The following FBXL7 variants were observed in gnomAD, a reference collection of about 807,000 sequenced individuals.
FBXL7 encodes F-box and leucine rich repeat protein 7.
Under a neutral mutation model 38.3 loss-of-function variants are expected in FBXL7, and 12 were observed. That is an observed-to-expected ratio of 0.31 (90% confidence interval 0.20 to 0.51). The LOEUF is 0.51. Among genes scored for constraint, FBXL7 ranks in the 20% least tolerant of loss-of-function variants. The pLI is 0.98. For missense variants in FBXL7, 567 were observed against 676.4 expected (o/e 0.84, Z 1.79); for synonymous variants, 297 against 300.9 (o/e 0.99, Z 0.13).
chr5:15,533,715 G>A (rs1047068483), intron 1 of FBXL7, among the ~76,000 whole-genome samples: 41 of 152,256 alleles, frequency 2.7e-4, no homozygotes, highest in African/African-American at 9.9e-4. Context: ...GGGGTCAAGA[G>A]TTTCATAGTG....
At chr5:15,898,689 T>C (rs1249366183) in intron 2 of FBXL7, among the ~76,000 whole-genome samples, 1 of 152,220 alleles carries the variant, frequency 6.6e-6, no homozygotes, top group Non-Finnish European at 1.5e-5. Flanking sequence ...ATAGTTCCCA[T>C]AGACACGAGG....
At chr5:15,694,997 G>A (rs565589312) in intron 2 of FBXL7, among the ~76,000 whole-genome samples, 1 of 152,260 alleles carries the variant, frequency 6.6e-6, no homozygotes, top group South Asian at 2.1e-4. Flanking sequence ...TTTAACAAGA[G>A]CATTTAAGCA....
At chr5:15,723,420 C>A (rs896150048) in intron 2 of FBXL7, among the ~76,000 whole-genome samples, 1 of 152,142 alleles carries the variant, frequency 6.6e-6, no homozygotes, top group Non-Finnish European at 1.5e-5. Context: ...ATGTTTTCCA[C>A]GACTATATTA....
In FBXL7 at chr5:15,625,331, G is replaced by A. The variant is rs190282363; in HGVS notation, c.127+9259G>A. Among the ~76,000 whole-genome samples, 330 of 152,154 alleles carry A rather than the reference G, an allele frequency of 2.2e-3. 2 individuals are homozygous for A. Among genetic ancestry groups the A allele is most frequent in the Non-Finnish European group, 3.7e-3 (254 of 68,008 alleles). The stretch of plus-strand genomic sequence containing the variant: ...ATATGTAATAAAAAATTACTGAATA[G>A]TTATTTTACTGATTTTCCCTTTAAA... On this transcript the variant is annotated intron_variant, in intron 2 of 3. Transcript: ENST00000504595.
At chr5:15,522,334 G>A (rs1009353795) in intron 1 of FBXL7, among the ~76,000 whole-genome samples, 3 of 152,118 alleles carry the variant, frequency 2.0e-5, no homozygotes, top group Non-Finnish European at 2.9e-5. Context: ...TTTGATGGGT[G>A]TTTCTGGGCA....
At chr5:15,647,969 C>A (rs1333209724) in intron 2 of FBXL7, among the ~76,000 whole-genome samples, 1 of 152,168 alleles carries the variant, frequency 6.6e-6, no homozygotes, top group East Asian at 1.9e-4. Context: ...AGAGTAGGTG[C>A]CAGTAGGCAC....
intron 2 of FBXL7, among the ~76,000 whole-genome samples, chr5:15,754,038 T>G (rs1736225785): frequency 6.6e-6 from 1 of 152,234 alleles, no homozygotes; most frequent in Non-Finnish European, 1.5e-5. Flanking sequence ...CAAATTTGAA[T>G]GTGCAACAGA....
intron 2 of FBXL7, among the ~76,000 whole-genome samples, chr5:15,697,095 A>G (rs748738668): frequency 4.6e-5 from 7 of 152,144 alleles, no homozygotes; most frequent in Non-Finnish European, 8.8e-5. Flanking sequence ...CACCAAATAG[A>G]TTATGGGAAG....
chr5:15,872,140 C>T (rs1739994116), intron 2 of FBXL7, among the ~76,000 whole-genome samples: 1 of 152,126 alleles, frequency 6.6e-6, no homozygotes, highest in Non-Finnish European at 1.5e-5. Flanking sequence ...ATTCAACATT[C>T]TTAAAAGAAT....
At chr5:15,582,185 C>T (rs1266543579) in intron 1 of FBXL7, among the ~76,000 whole-genome samples, 1 of 152,134 alleles carries the variant, frequency 6.6e-6, no homozygotes, top group Non-Finnish European at 1.5e-5. Context: ...GTGATCCACC[C>T]ACCTCAGCCT....
chr5:15,716,123 C>T (rs1262906631), intron 2 of FBXL7, among the ~76,000 whole-genome samples: 1 of 152,198 alleles, frequency 6.6e-6, no homozygotes, highest in Admixed American at 6.5e-5. Flanking sequence ...GAGGATTAAA[C>T]TGGACTATAA....
At chr5:15,891,226 A>G (rs1023528057) in intron 2 of FBXL7, among the ~76,000 whole-genome samples, 2 of 152,298 alleles carry the variant, frequency 1.3e-5, no homozygotes, top group Non-Finnish European at 2.9e-5. Flanking sequence ...AATATCTTCA[A>G]GTTCTTGCTC....
intron 2 of FBXL7, among the ~76,000 whole-genome samples, chr5:15,917,082 G>T (rs1389347851): frequency 6.6e-6 from 1 of 152,120 alleles, no homozygotes; most frequent in African/African-American, 2.4e-5. Flanking sequence ...TCTTGCCTCA[G>T]ATGATACAAG....
At chr5:15,648,622 G>T (rs543160964) in intron 2 of FBXL7, among the ~76,000 whole-genome samples, 1 of 152,340 alleles carries the variant, frequency 6.6e-6, no homozygotes, top group Non-Finnish European at 1.5e-5. Flanking sequence ...AATTGAAGGG[G>T]CAGCATTGCT....
intron 1 of FBXL7, among the ~76,000 whole-genome samples, chr5:15,580,228 C>G (rs1483061528): frequency 6.6e-6 from 1 of 152,154 alleles, no homozygotes; most frequent in Non-Finnish European, 1.5e-5. Context: ...AGGAGGAGGG[C>G]TCTCACTAAG....
intron 2 of FBXL7, among the ~76,000 whole-genome samples, chr5:15,890,610 C>G (rs1740863474): frequency 6.6e-6 from 1 of 152,098 alleles, no homozygotes; most frequent in African/African-American, 2.4e-5. Flanking sequence ...GGTTGCACGC[C>G]CTTTATGAGA....
At chr5:15,754,875 C>G (rs1183586508) in intron 2 of FBXL7, among the ~76,000 whole-genome samples, 1 of 152,132 alleles carries the variant, frequency 6.6e-6, no homozygotes, top group Non-Finnish European at 1.5e-5. Flanking sequence ...AAGTACATTT[C>G]AGTTCCTGCT....
chr5:15,732,290 T>A (rs1352368772), intron 2 of FBXL7, among the ~76,000 whole-genome samples: 1 of 152,188 alleles, frequency 6.6e-6, no homozygotes, highest in Non-Finnish European at 1.5e-5. Flanking sequence ...TAAGGGTCAC[T>A]CTATTGTTAA....
At chr5:15,922,505 C>G (rs181888652) in intron 2 of FBXL7, among the ~76,000 whole-genome samples, 2 of 152,064 alleles carry the variant, frequency 1.3e-5, no homozygotes, top group African/African-American at 4.8e-5. Context: ...GGAAGGAAGG[C>G]GTTTAGGGGA....
Sources: allele counts gnomAD v4.1 joint callset (sites outside exome capture counted in the v4.1 genomes callset), GRCh38; gene constraint gnomAD v4.1.1; transcripts MANE v1.5; gene names NCBI Gene and HGNC (gene_info 2026-07-23, HGNC 2026-07-21).